The following DNAH7 variants were observed in gnomAD, a reference collection of about 807,000 sequenced individuals.
The protein encoded by DNAH7 is dynein axonemal heavy chain 7, also known as axonemal beta dynein heavy chain 7.
In DNAH7, 397 loss-of-function variants were observed where a neutral mutation model predicts 444.6. The observed-to-expected ratio is 0.89, with a 90% CI of 0.82 to 0.97. The LOEUF (loss-of-function observed/expected upper bound fraction) is 0.97. Among genes scored for constraint, DNAH7 ranks in the 50% least tolerant of loss-of-function variants. The pLI, the probability that DNAH7 is intolerant of heterozygous loss-of-function variation, is 0.00. For synonymous variants in DNAH7, 1,636 were observed against 1,624.4 expected (o/e 1.01, Z -0.17); for missense variants, 4,902 against 4,800.8 (o/e 1.02, Z -0.62).
intron 61 of DNAH7, among the ~76,000 whole-genome samples, chr2:195,763,881 G>C (rs780040665): frequency 6.6e-6 from 1 of 151,708 alleles, no homozygotes; most frequent in Admixed American, 6.6e-5. Context: ...TATTCCATGA[G>C]GCCTGTATTA....
chr2:195,957,137 G>A, intron 19 of DNAH7, 124 bp downstream of exon 19: 1 of 796,710 alleles, frequency 1.3e-6, no homozygotes, highest in Non-Finnish European at 1.8e-6. Flanking sequence ...TAGCTGAAAA[G>A]ACAATGTATG....
Position 196,012,756 on chromosome 2 carries a change from T to C in DNAH7, c.989+31A>G, listed in dbSNP as rs554297615. The stretch of plus-strand genomic sequence containing the variant: ...GCCCACAATCATATTTTTAAACTTA[T>C]GCTTTCCTACATGAAATTTCAAACC... On this transcript the variant is annotated intron_variant, in intron 10 of 64. Coordinates refer to ENST00000312428, the MANE Select transcript of DNAH7 (RefSeq NM_018897.3). 34 of 1,596,062 alleles carry C rather than the reference T, an allele frequency of 2.1e-5. No homozygotes were observed. The East Asian group carries it at 4.1e-4, about 19-fold the overall frequency.
chr2:195,834,327 A>G lies in DNAH7; in HGVS notation c.8979T>C (p.Pro2993=). ...TGATCCATTTATTAGCCTGACTTTG[A>G]GGATCTATCATCAGAGGCCACCTTC... ...NARRWPLMID[P]QSQANKWIKN... is the part of the protein sequence containing the mutation. Residue 2993 remains proline, a synonymous_variant, in exon 48 of 65, where the codon CCT becomes CCC. Coordinates refer to ENST00000312428, the MANE Select transcript of DNAH7 (RefSeq NM_018897.3). 1 of 1,603,980 alleles carries G rather than the reference A, an allele frequency of 6.2e-7. No homozygotes were observed. Among genetic ancestry groups the G allele is most frequent in the Non-Finnish European group, 8.5e-7 (1 of 1,172,356 alleles).
At chr2:195,998,400 C>T (rs1039827004) in intron 12 of DNAH7, among the ~76,000 whole-genome samples, 3 of 151,774 alleles carry the variant, frequency 2.0e-5, no homozygotes, top group Non-Finnish European at 2.9e-5. Flanking sequence ...ACGTTGAAAC[C>T]CCATCTCTAC....
At chr2:195,808,507 T>C (rs1057342698) in intron 53 of DNAH7, among the ~76,000 whole-genome samples, 175 bp downstream of exon 53, 20 of 152,320 alleles carry the variant, frequency 1.3e-4, no homozygotes, top group Middle Eastern at 6.8e-3. Flanking sequence ...GGAGTTTGAA[T>C]GGAAGTTCAA....
intron 17 of DNAH7, among the ~76,000 whole-genome samples, chr2:195,969,658 T>C (rs1408006168): frequency 6.6e-6 from 1 of 152,192 alleles, no homozygotes; most frequent in Non-Finnish European, 1.5e-5. Context: ...ACTATCATAG[T>C]AGAACTATGA....
chr2:196,010,143 TTCTC>T (rs1306822407), intron 10 of DNAH7, among the ~76,000 whole-genome samples: 6 of 151,442 alleles, frequency 4.0e-5, no homozygotes, highest in Admixed American at 6.6e-5. Flanking sequence ...TTCTTCTTCT[TTCTC>T]TCTCTTTTTT....
intron 5 of DNAH7, among the ~76,000 whole-genome samples, chr2:196,036,431 G>C (rs949125647): frequency 6.6e-6 from 1 of 152,106 alleles, no homozygotes; most frequent in Non-Finnish European, 1.5e-5. Context: ...CACATCACCA[G>C]CACCCAAGTT....
chr2:196,016,966 T>G (rs1004680909), intron 9 of DNAH7, among the ~76,000 whole-genome samples: 1 of 152,134 alleles, frequency 6.6e-6, no homozygotes, highest in African/African-American at 2.4e-5. Context: ...TATTGAAATA[T>G]ATGTAGGATA....
At chr2:195,999,060 C>T in intron 12 of DNAH7, 1 of 711,290 alleles carries the variant, frequency 1.4e-6, no homozygotes, top group Non-Finnish European at 2.6e-6. Context: ...TGCCAGGAAA[C>T]AAAGCCTCAA....
chr2:195,832,191 T>C (rs999473637), intron 48 of DNAH7, among the ~76,000 whole-genome samples: 1 of 152,188 alleles, frequency 6.6e-6, no homozygotes, highest in African/African-American at 2.4e-5. Context: ...CTCCCATGGT[T>C]ATGACCCATA....
rs1411591633 is a variant in DNAH7 at position 195,972,267 on chromosome 2, A to G, written c.2033T>C (p.Ile678Thr). The G allele has an allele frequency of 6.2e-7, 1 of 1,613,816 alleles. No individual in the cohort carries two copies. The highest frequency in any genetic ancestry group is 1.1e-5 in the South Asian group (1 of 91,070). The change falls in exon 16 of 65, where the codon ATA (isoleucine) becomes ACA (threonine). Residue 678 changes from isoleucine to threonine, a missense_variant. By Grantham distance (89) the Ile-to-Thr change is moderately conservative. Transcript: ENST00000312428. ...CTTCAGACCTTCTTGATATTGTTCT[A>G]TTTTCTCTTTAATGATTTTCCTGTG... ...EEHRKIIKEKIEQYQEGLKLR... is the reference protein window; with the variant it reads ...EEHRKIIKEKTEQYQEGLKLR...
At chr2:195,888,774 A>G (rs1701849196) in intron 32 of DNAH7, 25 bp downstream of exon 32, 1 of 1,594,276 alleles carries the variant, frequency 6.3e-7, no homozygotes, top group African/African-American at 1.4e-5. Context: ...TAATTTATAA[A>G]AAGATGTCAA....
At chr2:196,006,801 T>C (rs780557554) in intron 10 of DNAH7, among the ~76,000 whole-genome samples, 2 of 152,026 alleles carry the variant, frequency 1.3e-5, no homozygotes, top group Admixed American at 1.3e-4. Flanking sequence ...TTACATAGCA[T>C]CAAGAAGAAT....
chr2:195,848,152 G>A (rs1218134077), intron 46 of DNAH7, among the ~76,000 whole-genome samples: 2 of 152,184 alleles, frequency 1.3e-5, no homozygotes, highest in Non-Finnish European at 2.9e-5. Flanking sequence ...GCCACGCTGG[G>A]CACTGCCATC....
chr2:195,857,959 C>G (rs1000393475), intron 43 of DNAH7, among the ~76,000 whole-genome samples: 1 of 152,084 alleles, frequency 6.6e-6, no homozygotes, highest in African/African-American at 2.4e-5. Context: ...TTAAAATATT[C>G]CCCTTTCACA....
chr2:195,827,046 A>G (rs1368150203), intron 48 of DNAH7, among the ~76,000 whole-genome samples: 1 of 152,166 alleles, frequency 6.6e-6, no homozygotes, highest in Non-Finnish European at 1.5e-5. Flanking sequence ...AGCAAACCCA[A>G]CCATAGTCAT....
Position 196,000,887 on chromosome 2 carries a change from C to A in DNAH7, c.1174-4G>T. 1.9e-6 allele frequency: 3 copies of A among 1,551,158 alleles called. No homozygotes were observed. Among genetic ancestry groups the A allele is most frequent in the Non-Finnish European group, 2.6e-6 (3 of 1,153,558 alleles). Reference sequence around the variant, plus strand: ...GTTCAAAAGCTCTAACAGAATCCTGCAAAAAATTAAAAAATTTACATACAT... The same window carrying A: ...GTTCAAAAGCTCTAACAGAATCCTGAAAAAAATTAAAAAATTTACATACAT... On this transcript the variant is annotated splice_region_variant and splice_polypyrimidine_tract_variant and intron_variant, in intron 11 of 64. Coordinates refer to ENST00000312428, the MANE Select transcript of DNAH7 (RefSeq NM_018897.3).
chr2:195,917,814 T>C (rs114849760), intron 24 of DNAH7, among the ~76,000 whole-genome samples: 2,027 of 152,270 alleles, frequency 0.013, 66 homozygotes, highest in Admixed American at 0.072. Flanking sequence ...ACCACCATAC[T>C]TGACCATTTT....
Sources: allele counts gnomAD v4.1 joint callset (sites outside exome capture counted in the v4.1 genomes callset), GRCh38; gene constraint gnomAD v4.1.1; transcripts MANE v1.5; gene names NCBI Gene and HGNC (gene_info 2026-07-23, HGNC 2026-07-21).